Variants in PCDH17 observed in about 807,000 individuals in gnomAD.
PCDH17 encodes the protein protocadherin 17, also known as protocadherin-17.
Under a neutral mutation model 67.7 loss-of-function variants are expected in PCDH17, and 21 were observed. That is an observed-to-expected ratio of 0.31 (90% CI 0.22 to 0.45). The LOEUF is 0.45. PCDH17 is among the 20% of genes least tolerant of loss of function. PCDH17 has a pLI of 1.00. For synonymous variants in PCDH17, 701 were observed against 656.7 expected (o/e 1.07, Z -1.03); for missense variants, 1,471 against 1,564.8 (o/e 0.94, Z 1.01).
At chr13:57,677,592 T>G (rs1206520963) in intron 3 of PCDH17, among the ~76,000 whole-genome samples, 1 of 151,600 alleles carries the variant, frequency 6.6e-6, no homozygotes, top group Non-Finnish European at 1.5e-5. Flanking sequence ...CCATAGTCAG[T>G]AAGGAAGGAG....
intron 3 of PCDH17, among the ~76,000 whole-genome samples, chr13:57,715,846 G>A (rs1008157816): frequency 4.0e-5 from 6 of 151,642 alleles, no homozygotes; most frequent in African/African-American, 7.3e-5. Context: ...GTTATGTTTG[G>A]TTAATGATAA....
chr13:57,635,402 C>G (rs1386740960), intron 1 of PCDH17, among the ~76,000 whole-genome samples: 2 of 152,084 alleles, frequency 1.3e-5, no homozygotes, highest in Non-Finnish European at 2.9e-5. Flanking sequence ...GCTTATTTTA[C>G]TTACTTTTAT....
At chr13:57,688,287 T>C (rs1164653805) in intron 3 of PCDH17, among the ~76,000 whole-genome samples, 5 of 151,950 alleles carry the variant, frequency 3.3e-5, no homozygotes, top group African/African-American at 1.2e-4. Flanking sequence ...CCCTCCAGCC[T>C]GGGTGACAGA....
chr13:57,676,040 T>C (rs1447641247), intron 3 of PCDH17, among the ~76,000 whole-genome samples: 1 of 151,868 alleles, frequency 6.6e-6, no homozygotes, highest in Non-Finnish European at 1.5e-5. Context: ...GGATAAGAAA[T>C]TCTAAAGGAA....
At chr13:57,695,713 G>C (rs754048161) in intron 3 of PCDH17, among the ~76,000 whole-genome samples, 41 of 151,426 alleles carry the variant, frequency 2.7e-4, no homozygotes, top group South Asian at 8.3e-4. Flanking sequence ...CAATGTGGTA[G>C]ATTACAAAAT....
intron 3 of PCDH17, 58 bp from the exon 4 acceptor site, chr13:57,724,554 T>C (rs1395808155): frequency 2.1e-6 from 3 of 1,422,518 alleles, no homozygotes; most frequent in African/African-American, 1.4e-5. Flanking sequence ...ACAGCCTCTG[T>C]AGAAATTTAA....
intron 1 of PCDH17, among the ~76,000 whole-genome samples, chr13:57,635,582 C>T (rs1208493499): frequency 1.3e-5 from 2 of 152,108 alleles, no homozygotes; most frequent in Non-Finnish European, 2.9e-5. Flanking sequence ...AGAATAACAA[C>T]CAGTCAGAAT....
At position 57,632,253 on chromosome 13, in the gene PCDH17, C is replaced by T. The variant is rs1477162705; in HGVS notation, c.-294C>T. On this transcript the variant is annotated 5_prime_UTR_variant, in exon 1 of 4. Transcript: ENST00000377918. ...CGAAGTCCGGGCGGGAGAGACGAAA[C>T]CCCTGGCTCACCCCCAGCCGCAGGA... 1.7e-5 allele frequency: 8 copies of T among 472,098 alleles called. No individual in the cohort carries two copies. The highest frequency in any genetic ancestry group is 3.0e-5 in the Non-Finnish European group (8 of 265,842). 29.2% of individuals were successfully genotyped at this position (472,098 alleles called of 1,614,324 possible).
intron 3 of PCDH17, among the ~76,000 whole-genome samples, chr13:57,675,644 G>A (rs943413140): frequency 2.6e-5 from 4 of 151,970 alleles, no homozygotes; most frequent in African/African-American, 9.7e-5. Context: ...ACACTCAGAA[G>A]CACAGATGAC....
chr13:57,715,880 G>A (rs1955812625), intron 3 of PCDH17, among the ~76,000 whole-genome samples: 1 of 151,920 alleles, frequency 6.6e-6, no homozygotes, highest in South Asian at 2.1e-4. Context: ...GAAGAGGGAA[G>A]AAAGATAAAG....
intron 3 of PCDH17, among the ~76,000 whole-genome samples, chr13:57,710,974 A>C (rs146055649): frequency 6.6e-6 from 1 of 151,936 alleles, no homozygotes; most frequent in East Asian, 1.9e-4. Flanking sequence ...GTCAGTGTGC[A>C]TGTGCATGCA....
chr13:57,658,067 A>T (rs1485165697), intron 1 of PCDH17, among the ~76,000 whole-genome samples: 1 of 152,144 alleles, frequency 6.6e-6, no homozygotes, highest in Non-Finnish European at 1.5e-5. Context: ...ACGTATCTTT[A>T]TAATATATTT....
intron 3 of PCDH17, among the ~76,000 whole-genome samples, chr13:57,693,295 T>C (rs147506280): frequency 0.014 from 1,924 of 135,526 alleles, 36 homozygotes; most frequent in South Asian, 0.062. Flanking sequence ...AGAAACTTGG[T>C]ATATTTGTTC....
chr13:57,702,939 A>G (rs1955681432), intron 3 of PCDH17, among the ~76,000 whole-genome samples: 1 of 152,150 alleles, frequency 6.6e-6, no homozygotes, highest in Non-Finnish European at 1.5e-5. Context: ...ATCTCTCTGC[A>G]AAAGTATGTA....
chr13:57,686,016 G>A (rs1955503411), intron 3 of PCDH17, among the ~76,000 whole-genome samples: 1 of 151,822 alleles, frequency 6.6e-6, no homozygotes, highest in African/African-American at 2.4e-5. Context: ...TTGAGCCCAG[G>A]AGTTTGAAGT....
rs1276027804 is a variant in PCDH17 at position 57,724,866 on chromosome 13, T to A, written c.3052T>A (p.Tyr1018Asn). The A allele has an allele frequency of 6.2e-7, 1 of 1,614,162 alleles. No individual in the cohort carries two copies. ...HTILIANVKP[Y>N]LKAKRALSPL... ...TATTCTCATTGCCAACGTTAAACCT[T>A]ATTTAAAAGCCAAACGTGCCCTGAG... is the stretch of plus-strand genomic sequence containing the variant. The change falls in exon 4 of 4, where the codon TAT becomes AAT. Residue 1018 changes from tyrosine (Y) to asparagine (N), a missense_variant. This residue lies in a region of PCDH17 where 297 missense variants were observed against 298.6 expected (regional missense o/e 0.99). Transcript: ENST00000377918.
chr13:57,675,165 T>C (rs372754798), intron 3 of PCDH17, among the ~76,000 whole-genome samples: 2 of 151,920 alleles, frequency 1.3e-5, no homozygotes, highest in Admixed American at 1.3e-4. Context: ...CTTTAACATA[T>C]ATTGAATGAA....
At position 57,633,111 on chromosome 13, in the gene PCDH17, G is replaced by C. The variant is rs369752448; in HGVS notation, c.565G>C (p.Gly189Arg). The change falls in exon 1 of 4, where the codon GGC (glycine) becomes CGC (arginine). Residue 189 changes from glycine to arginine, a missense_variant. This residue lies in a region of PCDH17 where 1,163 missense variants were observed against 1,230.0 expected (regional missense o/e 0.95). Coordinates refer to ENST00000377918, the MANE Select transcript of PCDH17 (RefSeq NM_001040429.3). The surrounding 1 kb of genome is among the most constrained non-coding windows in gnomAD (Gnocchi z 6.2). ...ACTGGACGTTAAGTCCCGCGGCGAC[G>C]GCACCAAGTTCCCAGAACTGGTCAT... ...FGLDVKSRGD[G>R]TKFPELVIQK... 2.6e-5 allele frequency: 42 copies of C among 1,613,454 alleles called. No individual in the cohort carries two copies. The Admixed American group carries it at 5.5e-4, about 21-fold the overall frequency.
chr13:57,653,826 C>G (rs555121217), intron 1 of PCDH17, among the ~76,000 whole-genome samples: 8 of 152,016 alleles, frequency 5.3e-5, no homozygotes, highest in Non-Finnish European at 8.8e-5. Flanking sequence ...CTTCATGTGT[C>G]GAAATGCATT....
Sources: allele counts gnomAD v4.1 joint callset (sites outside exome capture counted in the v4.1 genomes callset), GRCh38; gene constraint gnomAD v4.1.1; regional missense constraint gnomAD v4.1.1; non-coding constraint Gnocchi (gnomAD v3.1); transcripts MANE v1.5; gene names NCBI Gene and HGNC (gene_info 2026-07-23, HGNC 2026-07-21).